The following GPD1L variants were observed in gnomAD, a reference collection of about 807,000 sequenced individuals.
GPD1L encodes glycerol-3-phosphate dehydrogenase 1-like protein.
GPD1L carries 17 observed loss-of-function variants against 32.9 expected under a neutral mutation model. The ratio of observed to expected loss-of-function variants is 0.52; its 90% CI spans 0.35 to 0.78. The LOEUF (loss-of-function observed/expected upper bound fraction) is 0.78, where lower values mean the gene tolerates loss of function less well. Ranked by LOEUF, GPD1L falls within the 30% of genes least tolerant of loss-of-function variation. The pLI, the probability that GPD1L is intolerant of heterozygous loss-of-function variation, is 0.01. For missense variants in GPD1L, 361 were observed against 447.8 expected (o/e 0.81, Z 1.75); for synonymous variants, 187 against 165.9 (o/e 1.13, Z -0.98).
chr3:32,164,007 A>G (rs1332736591), intron 7 of GPD1L, among the ~76,000 whole-genome samples: 1 of 152,206 alleles, frequency 6.6e-6, no homozygotes, highest in Non-Finnish European at 1.5e-5. Context: ...TCAGGAAGGG[A>G]ACAAGAGTAG....
intron 5 of GPD1L, among the ~76,000 whole-genome samples, chr3:32,147,823 A>G (rs537948033): frequency 2.5e-4 from 38 of 152,266 alleles, no homozygotes; most frequent in Middle Eastern, 3.4e-3. Flanking sequence ...CATAAATTGT[A>G]TATGTTTTTT....
At chr3:32,111,305 A>AAATC (rs1700242746) in intron 1 of GPD1L, among the ~76,000 whole-genome samples, 1 of 152,230 alleles carries the variant, frequency 6.6e-6, no homozygotes, top group Admixed American at 6.5e-5. Context: ...AACACATCCT[A>AAATC]AATCTCCTTT....
chr3:32,164,019 C>T (rs981077610), intron 7 of GPD1L, among the ~76,000 whole-genome samples: 2 of 152,216 alleles, frequency 1.3e-5, no homozygotes, highest in African/African-American at 2.4e-5. Flanking sequence ...CAAGAGTAGT[C>T]TGGGGTAACA....
Position 32,140,289 on chromosome 3 carries a change from G to A in GPD1L, c.428G>A (p.Gly143Asp). The stretch of plus-strand genomic sequence containing the variant: ...TCTGACATCATCCGTGAGAAGATGG[G>A]TATTGACATCAGTGTGCTGATGGGA... ...LISDIIREKM[G>D]IDISVLMGAN... is the part of the protein sequence containing the mutation. Residue 143 changes from glycine to aspartate, a missense_variant, in exon 4 of 8, where the codon GGT becomes GAT. Coordinates refer to ENST00000282541, the MANE Select transcript of GPD1L (RefSeq NM_015141.4). 3 of 1,614,116 alleles carry A rather than the reference G, an allele frequency of 1.9e-6. No individual in the cohort carries two copies. The highest frequency in any genetic ancestry group is 1.7e-5 in the Admixed American group (1 of 60,016).
chr3:32,126,689 G>A (rs1032499959), intron 1 of GPD1L, among the ~76,000 whole-genome samples: 2 of 152,224 alleles, frequency 1.3e-5, no homozygotes, highest in Non-Finnish European at 2.9e-5. Flanking sequence ...AGGTACAGCT[G>A]CATAGCCTTG....
intron 5 of GPD1L, among the ~76,000 whole-genome samples, chr3:32,148,147 T>A (rs1181120625): frequency 6.6e-6 from 1 of 152,246 alleles, no homozygotes; most frequent in Non-Finnish European, 1.5e-5. Context: ...CGTGAATGCC[T>A]AATTGCTCAG....
At chr3:32,116,639 G>T (rs935265637) in intron 1 of GPD1L, among the ~76,000 whole-genome samples, 2 of 152,116 alleles carry the variant, frequency 1.3e-5, no homozygotes, top group Admixed American at 6.5e-5. Flanking sequence ...ATCTAGCTTG[G>T]ACTGATTTAC....
At position 32,106,713 on chromosome 3, in the gene GPD1L, T is replaced by TG; in HGVS notation, c.4dup (p.Ala2?). On this transcript the variant is annotated frameshift_variant and start_lost, in exon 1 of 8. Coordinates refer to ENST00000282541, the MANE Select transcript of GPD1L (RefSeq NM_015141.4). LOFTEE classifies it high-confidence loss of function. This position sits in a 1 kb window ranked among gnomAD's most constrained non-coding sequence, Gnocchi z 4.0. ...CAGGCGGCTACATTCGGCCCGGCCA[T>TG]GGCAGCGGCGCCCCTGAAAGTGTGC... 1 of 1,563,122 alleles carries TG rather than the reference T, an allele frequency of 6.4e-7. No homozygotes were observed. Among genetic ancestry groups the TG allele is most frequent in the South Asian group, 1.2e-5 (1 of 85,802 alleles).
At chr3:32,150,914 A>ACC (rs567030004) in intron 5 of GPD1L, among the ~76,000 whole-genome samples, 1 of 151,752 alleles carries the variant, frequency 6.6e-6, no homozygotes, top group Admixed American at 6.6e-5. Context: ...ACACAGTGAG[A>ACC]CCCCCCGCAT....
chr3:32,153,463 T>C (rs1320498750), intron 5 of GPD1L, among the ~76,000 whole-genome samples: 4 of 152,100 alleles, frequency 2.6e-5, no homozygotes, highest in Non-Finnish European at 5.9e-5. Context: ...GAAACTTCTA[T>C]TGGACAACGC....
chr3:32,165,589 G>A (rs777680818), intron 7 of GPD1L, among the ~76,000 whole-genome samples: 1 of 152,306 alleles, frequency 6.6e-6, no homozygotes, highest in Non-Finnish European at 1.5e-5. Context: ...TGGACAGTGT[G>A]CTCCAAGCTT....
At chr3:32,130,286 C>A (rs553861228) in intron 2 of GPD1L, among the ~76,000 whole-genome samples, 1 of 152,250 alleles carries the variant, frequency 6.6e-6, no homozygotes, top group East Asian at 1.9e-4. Context: ...TGATAGATCT[C>A]TCAAACCTAT....
chr3:32,139,607 A>T (rs1379480348), intron 3 of GPD1L, among the ~76,000 whole-genome samples: 3 of 152,202 alleles, frequency 2.0e-5, no homozygotes, highest in African/African-American at 7.2e-5. Flanking sequence ...CTCCCAAGAG[A>T]GGCTGTGCCA....
intron 2 of GPD1L, among the ~76,000 whole-genome samples, chr3:32,131,876 T>C (rs1700591963): frequency 6.6e-6 from 1 of 152,224 alleles, no homozygotes; most frequent in African/African-American, 2.4e-5. Flanking sequence ...TGTTCCAGTT[T>C]CTTCACATTC....
intron 4 of GPD1L, among the ~76,000 whole-genome samples, chr3:32,144,272 C>T (rs1404265057): frequency 6.6e-6 from 1 of 152,146 alleles, no homozygotes; most frequent in Non-Finnish European, 1.5e-5. Flanking sequence ...CTTCAGGCCT[C>T]AAAATCCTGT....
intron 7 of GPD1L, among the ~76,000 whole-genome samples, chr3:32,163,161 CTTT>C (rs34385950): frequency 2.6e-5 from 2 of 78,028 alleles, no homozygotes; most frequent in East Asian, 4.3e-4. Flanking sequence ...CTGGTTTGTC[CTTT>C]TTTTTTTTTT....
At chr3:32,142,928 T>C (rs1038788041) in intron 4 of GPD1L, among the ~76,000 whole-genome samples, 7 of 152,084 alleles carry the variant, frequency 4.6e-5, no homozygotes, top group African/African-American at 1.4e-4. Flanking sequence ...CTGGGTGGAG[T>C]AGCTCTCGTG....
chr3:32,132,588 G>A (rs1015112719), intron 2 of GPD1L, among the ~76,000 whole-genome samples: 4 of 152,160 alleles, frequency 2.6e-5, no homozygotes, highest in Non-Finnish European at 4.4e-5. Context: ...TTTCATTAGA[G>A]GAGTAGTTTT....
rs1280724898 is a variant in GPD1L, at chr3:32,164,106, AC to A, written c.960-1707del. 2.0e-5 allele frequency among the ~76,000 whole-genome samples: 3 copies of A among 152,294 alleles called. No individual in the cohort carries two copies. In the East Asian group the frequency reaches 5.8e-4, roughly 29 times the overall value. ...GATATATTATGTCTTGCTGCCTAGG[AC>A]TGTGTTACTTGACCAATTCTAGGTG... On this transcript the variant is annotated intron_variant, in intron 7 of 7. Coordinates refer to ENST00000282541, the MANE Select transcript of GPD1L (RefSeq NM_015141.4).
Sources: allele counts gnomAD v4.1 joint callset (sites outside exome capture counted in the v4.1 genomes callset), GRCh38; gene constraint gnomAD v4.1.1; non-coding constraint Gnocchi (gnomAD v3.1); transcripts MANE v1.5; gene names NCBI Gene and HGNC (gene_info 2026-07-23, HGNC 2026-07-21).